CAST: variants seen among roughly 807,000 people sequenced by gnomAD.
CAST encodes calpastatin.
CAST carries 76 observed loss-of-function variants against 119.6 expected under a neutral mutation model. The ratio of observed to expected loss-of-function variants is 0.64; its 90% CI spans 0.53 to 0.77. The LOEUF (loss-of-function observed/expected upper bound fraction) is 0.77, where lower values mean the gene tolerates loss of function less well. Ranked by LOEUF, CAST falls within the 30% of genes least tolerant of loss-of-function variation. CAST has a pLI of 0.00. For synonymous variants in CAST, 319 were observed against 331.6 expected (o/e 0.96, Z 0.41); for missense variants, 953 against 946.5 (o/e 1.01, Z -0.09).
At chr5:96,177,080 G>A in the CAST span, among the ~76,000 whole-genome samples, 1 of 152,140 alleles carries the variant, frequency 6.6e-6, no homozygotes, top group East Asian at 1.9e-4. Context: ...TTTTGTGATT[G>A]AGCAAATTTA....
At chr5:96,242,512 C>G in the CAST span, among the ~76,000 whole-genome samples, 2 of 152,170 alleles carry the variant, frequency 1.3e-5, no homozygotes, top group South Asian at 2.1e-4. Flanking sequence ...TGTCATGGAG[C>G]CTCCAGCTAT....
At chr5:96,322,124 T>G in the CAST span, among the ~76,000 whole-genome samples, 1 of 152,318 alleles carries the variant, frequency 6.6e-6, no homozygotes, top group East Asian at 1.9e-4. Context: ...GAAGGGAGTC[T>G]ATTTTATCTG....
the CAST span, among the ~76,000 whole-genome samples, chr5:96,274,085 G>T: frequency 6.6e-6 from 1 of 151,494 alleles, no homozygotes; most frequent in African/African-American, 2.4e-5. Context: ...GAGAAGAAAT[G>T]AGTTAGAGCC....
At chr5:96,239,195 G>C in the CAST span, among the ~76,000 whole-genome samples, 1 of 151,516 alleles carries the variant, frequency 6.6e-6, no homozygotes, top group Non-Finnish European at 1.5e-5. Flanking sequence ...TAAATGTATT[G>C]CCCAATTATG....
the CAST span, chr5:95,962,024 G>C: frequency 4.9e-6 from 2 of 408,750 alleles, no homozygotes; most frequent in South Asian, 1.8e-4. Flanking sequence ...TCCTGGGACG[G>C]GACGTCCGAG....
At chr5:96,269,739 C>T in the CAST span, among the ~76,000 whole-genome samples, 336 of 152,214 alleles carry the variant, frequency 2.2e-3, 6 homozygotes, top group African/African-American at 7.7e-3. Context: ...TAACAAGTAT[C>T]AAGATCAAAG....
chr5:95,980,049 C>T, the CAST span, among the ~76,000 whole-genome samples: 3 of 152,024 alleles, frequency 2.0e-5, no homozygotes, highest in Admixed American at 1.3e-4. Context: ...ACCTGGGAGG[C>T]GGAGGTTGCC....
the CAST span, chr5:96,110,872 C>G: frequency 6.6e-6 from 1 of 152,244 alleles, no homozygotes; most frequent in South Asian, 2.1e-4. Context: ...TTTGTTTGGG[C>G]CTAATGGGAA....
the CAST span, among the ~76,000 whole-genome samples, chr5:96,202,122 A>G: frequency 6.6e-6 from 1 of 152,088 alleles, no homozygotes; most frequent in East Asian, 1.9e-4. Context: ...TGGTGCTTTT[A>G]TGAATACAAC....
chr5:96,197,641 C>G, the CAST span, among the ~76,000 whole-genome samples: 2 of 152,092 alleles, frequency 1.3e-5, no homozygotes, highest in African/African-American at 2.4e-5. Flanking sequence ...TTGCTATGTG[C>G]CAAGCATTGT....
intron 1 of CAST, among the ~76,000 whole-genome samples, chr5:96,608,881 G>A (rs755850214): frequency 1.3e-4 from 20 of 152,206 alleles, no homozygotes; most frequent in African/African-American, 2.2e-4. Flanking sequence ...AGCAGATCTC[G>A]TGAGAATTTA....
At chr5:96,479,450 C>CTTTTTTTTTTTTTTT in the CAST span, among the ~76,000 whole-genome samples, 4 of 115,298 alleles carry the variant, frequency 3.5e-5, 1 homozygote, top group Non-Finnish European at 1.9e-5. Flanking sequence ...CCAGGCACTC[C>CTTTTTTTTTTTTTTT]TTATTTTTTT....
the CAST span, among the ~76,000 whole-genome samples, chr5:96,182,721 T>A: frequency 2.0e-5 from 3 of 152,224 alleles, no homozygotes; most frequent in Non-Finnish European, 4.4e-5. Flanking sequence ...GATACTGTGA[T>A]AGATGCTGAA....
chr5:96,469,879 A>AATATATATATATATTATAT, the CAST span, among the ~76,000 whole-genome samples: 2 of 107,420 alleles, frequency 1.9e-5, no homozygotes, highest in African/African-American at 3.0e-5. Context: ...ATATATATAT[A>AATATATATATATATTATAT]ATATATATAT....
the CAST span, among the ~76,000 whole-genome samples, chr5:96,149,274 C>T: frequency 6.6e-6 from 1 of 152,272 alleles, no homozygotes; most frequent in Non-Finnish European, 1.5e-5. Flanking sequence ...GGCTGGAGGC[C>T]GAACTCTAAA....
At chr5:96,003,419 T>A in the CAST span, among the ~76,000 whole-genome samples, 1 of 151,228 alleles carries the variant, frequency 6.6e-6, no homozygotes, top group Non-Finnish European at 1.5e-5. Context: ...GCGCCTGTAG[T>A]CCCAGCTACT....
At chr5:96,246,731 G>A in the CAST span, among the ~76,000 whole-genome samples, 1 of 152,078 alleles carries the variant, frequency 6.6e-6, no homozygotes, top group Non-Finnish European at 1.5e-5. Context: ...CCAGTAATTT[G>A]AATTTGACAT....
the CAST span, among the ~76,000 whole-genome samples, chr5:96,086,176 T>A: frequency 1.3e-5 from 2 of 152,222 alleles, no homozygotes; most frequent in Admixed American, 1.3e-4. Flanking sequence ...ACTTATATTT[T>A]AAAAATGGTT....
chr5:96,678,354 C>T (rs549820434), intron 2 of CAST, among the ~76,000 whole-genome samples: 1 of 152,284 alleles, frequency 6.6e-6, no homozygotes, highest in South Asian at 2.1e-4. Flanking sequence ...TGAGGACAAA[C>T]CAGGGTCTTT....
Sources: gnomAD v4.1 joint callset for allele counts (sites outside exome capture counted in the v4.1 genomes callset) on GRCh38, gnomAD v4.1.1 for gene constraint, MANE v1.5 for transcripts, NCBI Gene and HGNC (gene_info 2026-07-23, HGNC 2026-07-21) for gene names.